Variants in ZNF69 observed in about 807,000 individuals in gnomAD.
The protein encoded by ZNF69 is zinc finger protein 69, also known as ZNF3.
ZNF69 carries 47 observed loss-of-function variants against 50.9 expected under a neutral mutation model. The observed-to-expected ratio is 0.92, with a 90% CI of 0.73 to 1.18. The LOEUF (loss-of-function observed/expected upper bound fraction) is 1.18, where lower values mean the gene tolerates loss of function less well. ZNF69 is among the 50% of genes most tolerant of loss of function. The pLI, the probability that ZNF69 is intolerant of heterozygous loss-of-function variation, is 0.00. For missense variants in ZNF69, 717 were observed against 675.1 expected (o/e 1.06, Z -0.69); for synonymous variants, 216 against 223.1 (o/e 0.97, Z 0.29).
exon 5 of ZNF69, chr19:11,914,198 C>A (rs573668462): frequency 2.1e-4 from 32 of 152,278 alleles, no homozygotes; most frequent in African/African-American, 7.5e-4. Flanking sequence ...CTCCTGTAAT[C>A]CTAGCTATTC....
the ZNF69 span, among the ~76,000 whole-genome samples, chr19:11,941,500 C>T: frequency 6.6e-6 from 1 of 152,220 alleles, no homozygotes; most frequent in Non-Finnish European, 1.5e-5. Flanking sequence ...GCTGGCACTA[C>T]TGGGGGACCC....
chr19:11,939,911 C>T, the ZNF69 span: 16 of 151,748 alleles, frequency 1.1e-4, no homozygotes, highest in African/African-American at 3.9e-4. Flanking sequence ...TGCAATTATC[C>T]TGAGGTTTCA....
chr19:11,930,221 A>G, the ZNF69 span, among the ~76,000 whole-genome samples: 57 of 148,570 alleles, frequency 3.8e-4, 2 homozygotes, highest in Non-Finnish European at 4.3e-4. Context: ...ATGGCCAATC[A>G]GCTAATTGGA....
At chr19:11,975,785 C>T in the ZNF69 span, among the ~76,000 whole-genome samples, 1 of 152,092 alleles carries the variant, frequency 6.6e-6, no homozygotes, top group East Asian at 1.9e-4. Flanking sequence ...TGGGTGGCTG[C>T]ACTGCTCATT....
chr19:11,891,351 A>G (rs1358220250), intron 1 of ZNF69, among the ~76,000 whole-genome samples: 2 of 150,426 alleles, frequency 1.3e-5, no homozygotes, highest in Admixed American at 6.6e-5. Context: ...CAGCTGGCCA[A>G]TGCAGTGAGA....
chr19:11,945,519 C>T, the ZNF69 span, among the ~76,000 whole-genome samples: 1 of 152,184 alleles, frequency 6.6e-6, no homozygotes, highest in African/African-American at 2.4e-5. Flanking sequence ...ACCTGGATTC[C>T]TTCAAGAGCT....
At chr19:11,908,664 T>C (rs769429384), downstream of ZNF69, among the ~76,000 whole-genome samples, 1 of 152,140 alleles carries the variant, frequency 6.6e-6, no homozygotes, top group Non-Finnish European at 1.5e-5. Flanking sequence ...TGGGACACAT[T>C]TAAAGCAGTT....
the ZNF69 span, among the ~76,000 whole-genome samples, chr19:11,931,553 T>A: frequency 6.7e-6 from 1 of 148,326 alleles, no homozygotes; most frequent in Non-Finnish European, 1.5e-5. Flanking sequence ...ATCTTGTCTA[T>A]TTTTAGTCAT....
the ZNF69 span, among the ~76,000 whole-genome samples, chr19:11,932,934 G>T: frequency 6.7e-6 from 1 of 148,358 alleles, no homozygotes; most frequent in East Asian, 1.9e-4. Flanking sequence ...ACTGCACCCG[G>T]CCAATATGTG....
intron 4 of ZNF69, among the ~76,000 whole-genome samples, chr19:11,912,356 G>A (rs889724120): frequency 6.6e-6 from 1 of 152,202 alleles, no homozygotes; most frequent in Non-Finnish European, 1.5e-5. Flanking sequence ...ACAATGGAGA[G>A]AAACCCTATG....
chr19:11,901,345 T>A (rs1972239841), intron 1 of ZNF69, among the ~76,000 whole-genome samples: 1 of 152,206 alleles, frequency 6.6e-6, no homozygotes, highest in Admixed American at 6.5e-5. Context: ...ATTGCCGACG[T>A]GTGAAAAATC....
the ZNF69 span, among the ~76,000 whole-genome samples, chr19:11,926,352 T>G: frequency 2.0e-5 from 3 of 152,106 alleles, no homozygotes; most frequent in Admixed American, 2.0e-4. Flanking sequence ...TTTTTGCGGG[T>G]CCTGTTGGCC....
the ZNF69 span, chr19:11,979,321 C>T: frequency 2.5e-5 from 41 of 1,608,206 alleles, 1 homozygote; most frequent in African/African-American, 1.6e-4. Context: ...CCCACACCTT[C>T]GAAGGCATGG....
the ZNF69 span, among the ~76,000 whole-genome samples, chr19:11,937,803 G>A: frequency 1.3e-4 from 20 of 151,888 alleles, no homozygotes; most frequent in African/African-American, 2.2e-4. Context: ...ATTTTTCTAC[G>A]TTCCTTGTGC....
At chr19:11,897,376 A>T (rs532041150) in intron 1 of ZNF69, among the ~76,000 whole-genome samples, 5 of 152,170 alleles carry the variant, frequency 3.3e-5, no homozygotes, top group African/African-American at 1.2e-4. Flanking sequence ...ATAAAAATAA[A>T]GAGATTATTC....
chr19:11,934,962 G>T, the ZNF69 span, among the ~76,000 whole-genome samples: 1 of 147,086 alleles, frequency 6.8e-6, no homozygotes, highest in Non-Finnish European at 1.5e-5. Flanking sequence ...GGGTGGATCA[G>T]GAGGTCAGAT....
chr19:11,902,412 G>T (rs1972267171), intron 1 of ZNF69, among the ~76,000 whole-genome samples: 1 of 152,076 alleles, frequency 6.6e-6, no homozygotes, highest in Non-Finnish European at 1.5e-5. Flanking sequence ...CAGGAAGGTG[G>T]TATAGTGGTT....
rs148289998 is a variant in ZNF69, at chr19:11,904,888, G to A, written c.491G>A (p.Cys164Tyr). 3.4e-4 allele frequency: 546 copies of A among 1,614,050 alleles called. No individual in the cohort carries two copies. Among genetic ancestry groups the A allele is most frequent in the Non-Finnish European group, 4.5e-4 (534 of 1,180,040 alleles). The part of the protein sequence containing the change: ...YEYQEYGPKP[C>Y]KCQQPKKAFR... Reference sequence around the variant, plus strand: ...TATCAGGAATATGGACCGAAGCCATGTAAGTGTCAACAACCTAAAAAAGCC... The same window carrying A: ...TATCAGGAATATGGACCGAAGCCATATAAGTGTCAACAACCTAAAAAAGCC... Residue 164 changes from cysteine to tyrosine, a missense_variant, in exon 4 of 4, where the codon TGT becomes TAT. Physicochemically the swap from Cys to Tyr is radical, Grantham distance 194. Coordinates refer to ENST00000429654, the MANE Select transcript of ZNF69 (RefSeq NM_001364730.1).
chr19:11,950,303 A>G, the ZNF69 span: 4 of 1,562,546 alleles, frequency 2.6e-6, no homozygotes, highest in Non-Finnish European at 3.5e-6. Flanking sequence ...AGGAAGCACT[A>G]TGAATGCAAG....
Sources: gnomAD v4.1 joint callset for allele counts (sites outside exome capture counted in the v4.1 genomes callset) on GRCh38, gnomAD v4.1.1 for gene constraint, MANE v1.5 for transcripts, NCBI Gene and HGNC (gene_info 2026-07-23, HGNC 2026-07-21) for gene names.